The following ZNF493 variants were observed in gnomAD, a reference collection of about 807,000 sequenced individuals.
The protein encoded by ZNF493 is zinc finger protein 493.
In ZNF493, 11 loss-of-function variants were observed where a neutral mutation model predicts 12.2. The ratio of observed to expected loss-of-function variants is 0.90; its 90% confidence interval spans 0.57 to 1.50. The LOEUF (loss-of-function observed/expected upper bound fraction) is 1.50. Ranked by LOEUF, ZNF493 falls within the 40% of genes most tolerant of loss-of-function variation. ZNF493 has a pLI of 0.00. For missense variants in ZNF493, 950 were observed against 906.6 expected, an observed-to-expected ratio of 1.05 and a Z score of -0.61; for synonymous variants, 286 against 302.6, an observed-to-expected ratio of 0.95 and a Z score of 0.57.
At chr19:21,398,763 C>A in intron 1 of ZNF493, 1 of 195,408 alleles carries the variant, frequency 5.1e-6, no homozygotes, top group South Asian at 8.4e-5. Flanking sequence ...TTCTTGGAGA[C>A]AAATTGCTGG....
chr19:21,408,272 C>G, intron 3 of ZNF493: 17 of 586,420 alleles, frequency 2.9e-5, no homozygotes, highest in Non-Finnish European at 3.6e-5. Flanking sequence ...ATTACAGGTG[C>G]CCACCAGCAC....
chr19:21,411,087 GC>G (rs1272907285), intron 3 of ZNF493, among the ~76,000 whole-genome samples: 1 of 152,036 alleles, frequency 6.6e-6, no homozygotes. Context: ...ACCACCCCTG[GC>G]CTCATGTCTA....
At chr19:21,410,769 A>T (rs1599372543) in intron 3 of ZNF493, among the ~76,000 whole-genome samples, 1 of 151,758 alleles carries the variant, frequency 6.6e-6, no homozygotes, top group Non-Finnish European at 1.5e-5. Context: ...TTACTTTTTC[A>T]TGTCTAAGTT....
Position 21,424,908 on chromosome 19 carries a change from T to A in ZNF493, c.2249T>A (p.Phe750Tyr). The change falls in exon 4 of 4, where the codon TTT (phenylalanine) becomes TAT (tyrosine). Residue 750 changes from phenylalanine (F) to tyrosine (Y), a missense_variant. Physicochemically the swap from Phe to Tyr is conservative, Grantham distance 22 (BLOSUM62 3). Transcript: ENST00000392288. ...AAATGTGAAGCATGTGGCAAAGCTT[T>A]TAGGCGGTCTTCACATCTTAGTAGA... is the stretch of plus-strand genomic sequence containing the variant. ...PYKCEACGKA[F>Y]RRSSHLSRHK... The A allele has an allele frequency of 6.2e-7, 1 of 1,612,986 alleles. No individual in the cohort carries two copies. The highest frequency in any genetic ancestry group is 8.5e-7 in the Non-Finnish European group (1 of 1,179,416).
intron 1 of ZNF493, among the ~76,000 whole-genome samples, chr19:21,404,794 C>A (rs2030059144): frequency 6.6e-6 from 1 of 152,184 alleles, no homozygotes; most frequent in Non-Finnish European, 1.5e-5. Flanking sequence ...CTCAACATAT[C>A]TTTTGTCTGA....
Position 21,425,350 on chromosome 19 carries a change from C to T in ZNF493, c.*366C>T. The T allele has an allele frequency of 4.8e-6, 2 of 417,376 alleles. No individual in the cohort carries two copies. Among genetic ancestry groups the T allele is most frequent in the Non-Finnish European group, 4.7e-6 (1 of 213,500 alleles). The allele number at this position is 417,376 out of a possible 1,614,324, so 25.9% of individuals were successfully genotyped here. Reference sequence around the variant, plus strand: ...AAGATAATTCATACTGGAAGGAAACCCTACAAATATGAGGAATGTCTCAAA... The same window carrying T: ...AAGATAATTCATACTGGAAGGAAACTCTACAAATATGAGGAATGTCTCAAA... On this transcript the variant is annotated 3_prime_UTR_variant, in exon 4 of 4. Transcript: ENST00000392288.
chr19:21,417,891 A>G (rs1487367335), intron 3 of ZNF493, among the ~76,000 whole-genome samples: 1 of 152,198 alleles, frequency 6.6e-6, no homozygotes. Context: ...ATTCTTTAAG[A>G]GTCTTATTAC....
rs1167174380 is a variant in ZNF493, at chr19:21,424,647, G to T, written c.1988G>T (p.Gly663Val). Residue 663 changes from glycine (G) to valine (V), a missense_variant, in exon 4 of 4, where the codon GGC becomes GTC. By Grantham distance (109) the Gly-to-Val change is moderately radical. Coordinates refer to ENST00000392288, the MANE Select transcript of ZNF493 (RefSeq NM_001076678.3). ...AAACCCTACAAATGTGAAGAATGTG[G>T]CAAAGCCTTTAGTATATTCTCAACC... The part of the protein sequence containing the change: ...VQKPYKCEEC[G>V]KAFSIFSTLT... 2 of 1,613,578 alleles carry T rather than the reference G, an allele frequency of 1.2e-6. No individual in the cohort carries two copies. The highest frequency in any genetic ancestry group is 2.7e-5 in the African/African-American group (2 of 74,868).
chr19:21,401,590 A>G (rs866538628), intron 1 of ZNF493, among the ~76,000 whole-genome samples: 35 of 151,534 alleles, frequency 2.3e-4, no homozygotes, highest in African/African-American at 8.5e-4. Flanking sequence ...TCTTTGTTTT[A>G]TTTTTGGTGG....
At chr19:21,402,657 A>T (rs1388720555) in intron 1 of ZNF493, among the ~76,000 whole-genome samples, 1 of 152,208 alleles carries the variant, frequency 6.6e-6, no homozygotes, top group Non-Finnish European at 1.5e-5. Context: ...CATTTTCTGC[A>T]TTGTGAGATG....
At chr19:21,402,588 G>C (rs2029985239) in intron 1 of ZNF493, among the ~76,000 whole-genome samples, 1 of 152,142 alleles carries the variant, frequency 6.6e-6, no homozygotes, top group Non-Finnish European at 1.5e-5. Flanking sequence ...GCCTCTGCCT[G>C]GGATTTACAA....
At chr19:21,420,619 ATATATTTTTTTTTTTTTTTT>A (rs2030641366) in intron 3 of ZNF493, among the ~76,000 whole-genome samples, 1 of 11,880 alleles carries the variant, frequency 8.4e-5, no homozygotes, top group South Asian at 3.9e-3. Flanking sequence ...ATATATATAT[ATATATTTTTTTTTTTTTTTT>A]TTTTTTTTTT....
chr19:21,417,202 C>G (rs1441975636), intron 3 of ZNF493, among the ~76,000 whole-genome samples: 5 of 152,108 alleles, frequency 3.3e-5, no homozygotes, highest in Admixed American at 3.3e-4. Context: ...TTTCTTTTTT[C>G]CCCTATCTGG....
rs1282297815 is a variant in ZNF493, at chr19:21,426,971, A to C, written c.*1987A>C. 1 of 167,042 alleles carries C rather than the reference A, an allele frequency of 6.0e-6. No homozygotes were observed. Among genetic ancestry groups the C allele is most frequent in the East Asian group, 1.9e-4 (1 of 5,200 alleles). The allele number at this position is 167,042 out of a possible 1,614,324, so 10.3% of individuals were successfully genotyped here. A position where few individuals can be genotyped will look rare whatever the true frequency, so the allele number is the denominator to read the frequency against. On this transcript the variant is annotated 3_prime_UTR_variant, in exon 4 of 4. Coordinates refer to ENST00000392288, the MANE Select transcript of ZNF493 (RefSeq NM_001076678.3). ...ATACTTTGTTTCTTGAAAAAATTACAGATTTTTTGAAAAGCAAATGATGTA... is the reference window on the plus strand; with the variant it reads ...ATACTTTGTTTCTTGAAAAAATTACCGATTTTTTGAAAAGCAAATGATGTA...
chr19:21,407,732 T>C (rs1045916598), intron 3 of ZNF493: 1 of 981,712 alleles, frequency 1.0e-6, no homozygotes, highest in Non-Finnish European at 1.2e-6. Flanking sequence ...GTACTGTGGT[T>C]TTTTATGTGT....
Position 21,397,142 on chromosome 19 carries a change from C to A in ZNF493, c.-96C>A. ...GGGATGTGGCTGGGCCATTGTTTCT[C>A]TCTGCTGCCGGAGCTCCAGGTCTAC... On this transcript the variant is annotated 5_prime_UTR_variant, in exon 1 of 4. Coordinates refer to ENST00000392288, the MANE Select transcript of ZNF493 (RefSeq NM_001076678.3). 1 of 1,440,634 alleles carries A rather than the reference C, an allele frequency of 6.9e-7. No individual in the cohort carries two copies. Among genetic ancestry groups the A allele is most frequent in the Non-Finnish European group, 9.8e-7 (1 of 1,023,934 alleles). The allele number at this position is 1,440,634 out of a possible 1,614,324, so 89.2% of individuals were successfully genotyped here.
chr19:21,408,655 A>G lies in ZNF493; in HGVS notation c.253+2799A>G, dbSNP rs73549716. 9.1e-3 allele frequency: 8,972 copies of G among 985,024 alleles called. 93 individuals are homozygous for G. Among genetic ancestry groups the G allele is most frequent in the African/African-American group, 0.038 (2,187 of 57,282 alleles). 61.0% of individuals were successfully genotyped at this position (985,024 alleles called of 1,614,324 possible). On this transcript the variant is annotated intron_variant, in intron 3 of 3. Transcript: ENST00000392288. ...GTCTCTTCCTGTGCAGTTTCATATT[A>G]GTGGTGTTTTCAGTGTAGGTATCTT...
At chr19:21,409,135 C>T (rs780131118) in intron 3 of ZNF493, among the ~76,000 whole-genome samples, 2 of 152,088 alleles carry the variant, frequency 1.3e-5, no homozygotes, top group Non-Finnish European at 2.9e-5. Flanking sequence ...CTGCCTGCCT[C>T]AGCCTCCCAA....
chr19:21,405,859 A>G lies in ZNF493; in HGVS notation c.253+3A>G, dbSNP rs146383586. 120 of 1,253,472 alleles carry G rather than the reference A, an allele frequency of 9.6e-5. No homozygotes were observed. In the Middle Eastern group the frequency reaches 1.6e-3, roughly 16 times the overall value. 77.6% of individuals were successfully genotyped at this position (1,253,472 alleles called of 1,614,324 possible). ...CAGTACGGTAGTCAAACCCCCAGGT[A>G]GGTGAGAGTGAATGAAACAGTTGAC... On this transcript the variant is annotated splice_donor_region_variant and intron_variant, in intron 3 of 3. Transcript: ENST00000392288.
Sources: allele counts gnomAD v4.1 joint callset (sites outside exome capture counted in the v4.1 genomes callset), GRCh38; gene constraint gnomAD v4.1.1; transcripts MANE v1.5; gene names NCBI Gene and HGNC (gene_info 2026-07-23, HGNC 2026-07-21).